The following NDE1 variants were observed in gnomAD, a reference collection of about 807,000 sequenced individuals.
NDE1 encodes nudE neurodevelopment protein 1, also known as nuclear distribution protein nudE homolog 1.
In NDE1, 28 loss-of-function variants were observed where a neutral mutation model predicts 43.4. That is an observed-to-expected ratio of 0.65 (90% CI 0.48 to 0.89). The LOEUF (loss-of-function observed/expected upper bound fraction) is 0.89. NDE1 is among the 40% of genes least tolerant of loss of function. The probability of loss-of-function intolerance (pLI) is 0.00; values close to 1 mark genes in which losing one functional copy is unlikely to be tolerated. For missense variants in NDE1, 441 were observed against 434.1 expected (o/e 1.02, Z -0.14); for synonymous variants, 184 against 172.0 (o/e 1.07, Z -0.55).
intron 8 of NDE1, among the ~76,000 whole-genome samples, chr16:15,722,897 C>G (rs1250879709): frequency 2.6e-5 from 4 of 152,178 alleles, no homozygotes; most frequent in Non-Finnish European, 5.9e-5. Context: ...GCGTGCGCCA[C>G]CACGCCCGGC....
chr16:15,714,946 T>C, intron 8 of NDE1: 1 of 1,614,094 alleles, frequency 6.2e-7, no homozygotes, highest in Non-Finnish European at 8.5e-7. Flanking sequence ...TCGCGGCCCA[T>C]GGCCTCGTTG....
intron 4 of NDE1, among the ~76,000 whole-genome samples, chr16:15,683,968 C>T (rs1433150788): frequency 2.0e-5 from 3 of 151,600 alleles, no homozygotes; most frequent in Non-Finnish European, 4.4e-5. Flanking sequence ...CATTGGCTCA[C>T]GCCTGTAATC....
At chr16:15,666,768 G>A (rs1227362735) in intron 2 of NDE1, among the ~76,000 whole-genome samples, 1 of 152,110 alleles carries the variant, frequency 6.6e-6, no homozygotes, top group African/African-American at 2.4e-5. Context: ...CTACAGGCGT[G>A]TGCCACCATG....
upstream of NDE1, among the ~76,000 whole-genome samples, chr16:15,648,622 C>T (rs1026800399): frequency 2.0e-5 from 3 of 151,756 alleles, no homozygotes; most frequent in Admixed American, 6.6e-5. Context: ...GCCTGGCCAA[C>T]ACAGTGAAAC....
intron 5 of NDE1, among the ~76,000 whole-genome samples, chr16:15,688,980 G>A (rs961075187): frequency 6.6e-6 from 1 of 151,954 alleles, no homozygotes; most frequent in Non-Finnish European, 1.5e-5. Flanking sequence ...TTATAGGGGT[G>A]GGTCACTGTT....
At chr16:15,721,042 G>A in intron 8 of NDE1, 1 of 1,613,890 alleles carries the variant, frequency 6.2e-7, no homozygotes, top group Non-Finnish European at 8.5e-7. Flanking sequence ...GACTTCTCCA[G>A]CTCATGGACC....
intron 1 of NDE1, among the ~76,000 whole-genome samples, chr16:15,652,204 T>G (rs2036539155): frequency 6.6e-6 from 1 of 152,040 alleles, no homozygotes; most frequent in South Asian, 2.1e-4. Context: ...GACTCTATCA[T>G]TATTATTATT....
intron 8 of NDE1, among the ~76,000 whole-genome samples, chr16:15,706,970 A>G (rs1340982368): frequency 8.5e-5 from 13 of 152,154 alleles, no homozygotes; most frequent in Non-Finnish European, 1.6e-4. Flanking sequence ...CAAGGTTGAC[A>G]CCAACTATAC....
chr16:15,690,131 G>A (rs1567651826), intron 5 of NDE1, among the ~76,000 whole-genome samples: 1 of 151,556 alleles, frequency 6.6e-6, no homozygotes, highest in Non-Finnish European at 1.5e-5. Context: ...CTCACTGCTT[G>A]TCCCCCAGGC....
chr16:15,653,827 A>G (rs975131234), intron 1 of NDE1, among the ~76,000 whole-genome samples: 10 of 151,720 alleles, frequency 6.6e-5, no homozygotes, highest in Middle Eastern at 3.4e-3. Flanking sequence ...TCCCATGCTC[A>G]AGTGATCCTC....
chr16:15,718,663 C>T (rs1340426455), intron 8 of NDE1: 6 of 620,118 alleles, frequency 9.7e-6, no homozygotes, highest in Non-Finnish European at 1.4e-5. Context: ...TGGGGACCAG[C>T]ACACTCCTCC....
intron 1 of NDE1, among the ~76,000 whole-genome samples, chr16:15,651,091 C>A (rs960350598): frequency 2.6e-5 from 4 of 152,326 alleles, no homozygotes; most frequent in South Asian, 2.1e-4. Context: ...CTTGACACCG[C>A]TTTTGGGGAG....
At chr16:15,693,003 CTT>C (rs570029318) in intron 6 of NDE1, among the ~76,000 whole-genome samples, 39 of 130,754 alleles carry the variant, frequency 3.0e-4, no homozygotes, top group Non-Finnish European at 3.3e-4. Flanking sequence ...TTCTTTCTCT[CTT>C]TTTTTTTTTT....
chr16:15,656,172 A>G (rs1308805981), intron 1 of NDE1, among the ~76,000 whole-genome samples: 1 of 152,246 alleles, frequency 6.6e-6, no homozygotes, highest in Non-Finnish European at 1.5e-5. Flanking sequence ...GTTTTATGAT[A>G]AAGTGAAGTG....
intron 1 of NDE1, among the ~76,000 whole-genome samples, 189 bp downstream of exon 1, chr16:15,650,483 A>G (rs913964642): frequency 2.0e-5 from 3 of 152,122 alleles, no homozygotes; most frequent in Non-Finnish European, 4.4e-5. Context: ...GGGCTCCAAA[A>G]TCCCGCCTCC....
chr16:15,649,195 C>T (rs1376872677), upstream of NDE1, among the ~76,000 whole-genome samples: 1 of 152,060 alleles, frequency 6.6e-6, no homozygotes, highest in East Asian at 1.9e-4. Context: ...GATTTCATCT[C>T]AAAATAAATA....
intron 4 of NDE1, among the ~76,000 whole-genome samples, chr16:15,682,244 TGCAGTG>T (rs1309469004): frequency 6.6e-6 from 1 of 152,160 alleles, no homozygotes; most frequent in African/African-American, 2.4e-5. Flanking sequence ...CCTGCTGGAG[TGCAGTG>T]GCACGATCAC....
At chr16:15,709,084 A>G (rs2039632591) in intron 8 of NDE1, among the ~76,000 whole-genome samples, 1 of 151,930 alleles carries the variant, frequency 6.6e-6, no homozygotes. Flanking sequence ...CTGGGATTAC[A>G]GGCAGGCCCC....
intron 1 of NDE1, among the ~76,000 whole-genome samples, chr16:15,662,953 G>A (rs1276743993): frequency 5.3e-5 from 8 of 152,086 alleles, no homozygotes; most frequent in Admixed American, 4.6e-4. Flanking sequence ...GCCTGTCCAT[G>A]GCCACCAGGA....
Sources: gnomAD v4.1 joint callset for allele counts (sites outside exome capture counted in the v4.1 genomes callset) on GRCh38, gnomAD v4.1.1 for gene constraint, MANE v1.5 for transcripts, NCBI Gene and HGNC (gene_info 2026-07-23, HGNC 2026-07-21) for gene names.